EPPK1: variants seen among roughly 807,000 people sequenced by gnomAD.
EPPK1 encodes epiplakin.
For missense variants in EPPK1, 3,823 were observed against 3,673.3 expected (o/e 1.04, Z -1.05); for synonymous variants, 1,862 against 1,721.2 (o/e 1.08, Z -2.03).
chr8:143,868,941 GTGTC>G lies in EPPK1; in HGVS notation c.4309_4312del (p.Asp1437GlnfsTer13). 1 of 1,610,900 alleles carries G rather than the reference GTGTC, an allele frequency of 6.2e-7. No individual in the cohort carries two copies. Among genetic ancestry groups the G allele is most frequent in the Non-Finnish European group, 8.5e-7 (1 of 1,179,846 alleles). On this transcript the variant is annotated frameshift_variant, in exon 2 of 2. Coordinates refer to ENST00000615648, the MANE Select transcript of EPPK1 (RefSeq NM_031308.4). LOFTEE classifies it low-confidence loss of function (END_TRUNC). Reference sequence around the variant, plus strand: ...GGTGTGGTCGTCCACCTCAAGCACTGTGTCTGAGGGCAGTGGCAACAGCAACAAT... The same window carrying G: ...GGTGTGGTCGTCCACCTCAAGCACTGTGAGGGCAGTGGCAACAGCAACAAT...
intron 1 of EPPK1, among the ~76,000 whole-genome samples, chr8:143,874,445 T>C (rs1210936830): frequency 1.3e-5 from 2 of 152,212 alleles, no homozygotes; most frequent in East Asian, 1.9e-4. Context: ...ACATAACTAG[T>C]GTCCTTATAA....
At position 143,868,077 on chromosome 8, in the gene EPPK1, T is replaced by C; in HGVS notation, c.5177A>G (p.Lys1726Arg). 1 of 1,613,536 alleles carries C rather than the reference T, an allele frequency of 6.2e-7. No homozygotes were observed. Among genetic ancestry groups the C allele is most frequent in the Non-Finnish European group, 8.5e-7 (1 of 1,180,022 alleles). The change falls in exon 2 of 2, where the codon AAG becomes AGG. Residue 1726 changes from lysine to arginine, a missense_variant. Coordinates refer to ENST00000615648, the MANE Select transcript of EPPK1 (RefSeq NM_031308.4). ...RILADPSDDT[K>R]GFFDPNTHEN... is the part of the protein sequence containing the mutation. ...GTGCGTGTTGGGGTCGAAGAAGCCC[T>C]TGGTGTCGTCGCTGGGGTCCGCCAG...
At position 143,873,181 on chromosome 8, in the gene EPPK1, C is replaced by T; in HGVS notation, c.73G>A (p.Ala25Thr). The T allele has an allele frequency of 6.3e-7, 1 of 1,596,996 alleles. No homozygotes were observed. ...CCGGCTCCCAGCGTGGCTGCCATGGCTCTGGGTACACTGGCCTGCTCTGTG... is the reference window on the plus strand; with the variant it reads ...CCGGCTCCCAGCGTGGCTGCCATGGTTCTGGGTACACTGGCCTGCTCTGTG... ...NSTEQASVPR[A>T]MAATLGAGTP... Residue 25 changes from alanine (A) to threonine (T), a missense_variant, in exon 2 of 2, where the codon GCC (alanine) becomes ACC (threonine). Transcript: ENST00000615648.
Position 143,866,336 on chromosome 8 carries a change from G to T in EPPK1, c.6918C>A (p.Ala2306=). 1 of 441,046 alleles carries T rather than the reference G, an allele frequency of 2.3e-6. No individual in the cohort carries two copies. Among genetic ancestry groups the T allele is most frequent in the Non-Finnish European group, 3.5e-6 (1 of 286,596 alleles). 27.3% of individuals were successfully genotyped at this position (441,046 alleles called of 1,614,324 possible). The change falls in exon 2 of 2, where the codon GCC becomes GCA. Residue 2306 remains alanine, a synonymous_variant. Coordinates refer to ENST00000615648, the MANE Select transcript of EPPK1 (RefSeq NM_031308.4). ...IQEKLLSAER[A]VTGYTDPYTG... ...TGTAGGGGTCGGTGTAGCCGGTGAC[G>T]GCGCGCTCGGCCGACAGCAGCTTCT...
Position 143,873,041 on chromosome 8 carries a change from C to A in EPPK1, c.213G>T (p.Gly71=). 6.4e-7 allele frequency: 1 copy of A among 1,565,454 alleles called. No homozygotes were observed. The highest frequency in any genetic ancestry group is 8.7e-7 in the Non-Finnish European group (1 of 1,155,196). Residue 71 remains glycine, a synonymous_variant, in exon 2 of 2, where the codon GGG becomes GGT. Transcript: ENST00000615648. ...MEQGLLPAGL[G]QALLEAQAAT... The stretch of plus-strand genomic sequence containing the variant: ...CTGCCTGGGCCTCTAGCAGAGCCTG[C>A]CCGAGCCCAGCAGGCAGGAGGCCCT...
rs544519274 is a variant in EPPK1, at chr8:143,868,420, C to T, written c.4834G>A (p.Gly1612Ser). 221 of 1,612,544 alleles carry T rather than the reference C, an allele frequency of 1.4e-4. 1 individual carries two copies. Among genetic ancestry groups the T allele is most frequent in the South Asian group, 1.2e-3 (110 of 91,074 alleles). ...LVLLEAQAAT[G>S]FIIDPVENRK... ...TTCTCCACGGGGTCGATGATGAAGCCGGTAGCTGCCTGTGCCTCCAGCAGC... is the reference window on the plus strand; with the variant it reads ...TTCTCCACGGGGTCGATGATGAAGCTGGTAGCTGCCTGTGCCTCCAGCAGC... Residue 1612 changes from glycine to serine, a missense_variant, in exon 2 of 2, where the codon GGC becomes AGC. Physicochemically the swap from Gly to Ser is moderately conservative, Grantham distance 56 (BLOSUM62 0). Transcript: ENST00000615648.
Position 143,863,138 on chromosome 8 carries a change from GCGC to G in EPPK1, c.10113_10115del (p.Glu3371_Arg3372delinsAsp). ...AGGGGTCGGTGTAGCCGGTGACGGC[GCGC>G]TCGGCCGACAGCAGCTTCTCCTGGA... On this transcript the variant is annotated inframe_deletion, in exon 2 of 2. Coordinates refer to ENST00000615648, the MANE Select transcript of EPPK1 (RefSeq NM_031308.4). 2.3e-5 allele frequency: 2 copies of G among 88,476 alleles called. No individual in the cohort carries two copies. The highest frequency in any genetic ancestry group is 2.0e-4 in the African/African-American group (1 of 5,110). 5.5% of individuals were successfully genotyped at this position (88,476 alleles called of 1,614,324 possible). A position where few individuals can be genotyped will look rare whatever the true frequency, so the allele number is the denominator to read the frequency against.
intron 1 of EPPK1, among the ~76,000 whole-genome samples, chr8:143,876,372 C>T (rs1409261848): frequency 6.6e-6 from 1 of 152,206 alleles, no homozygotes; most frequent in Non-Finnish European, 1.5e-5. Flanking sequence ...CCCCAGGGGC[C>T]AGGTCCACCC....
intron 1 of EPPK1, among the ~76,000 whole-genome samples, chr8:143,873,671 G>A (rs372645748): frequency 6.6e-6 from 1 of 151,590 alleles, no homozygotes; most frequent in Non-Finnish European, 1.5e-5. Context: ...AGCCCTGCCC[G>A]AGGGGCCCAG....
Position 143,868,020 on chromosome 8 carries a change from C to T in EPPK1, c.5234G>A (p.Arg1745His), listed in dbSNP as rs187594766. The change falls in exon 2 of 2, where the codon CGC becomes CAC. Residue 1745 changes from arginine to histidine, a missense_variant. Coordinates refer to ENST00000615648, the MANE Select transcript of EPPK1 (RefSeq NM_031308.4). ...ENLTYLQLLERCVEDPETGLY... is the reference protein window; with the variant it reads ...ENLTYLQLLEHCVEDPETGLY... ...GCCCGTCTCGGGGTCCTCCACACAG[C>T]GCTCCAGAAGCTGCAGGTACGTGAG... The T allele has an allele frequency of 5.3e-5, 85 of 1,613,698 alleles. No individual in the cohort carries two copies. The highest frequency in any genetic ancestry group is 1.5e-4 in the South Asian group (14 of 91,086).
At position 143,865,353 on chromosome 8, in the gene EPPK1, C is replaced by A. The variant is rs1268380930; in HGVS notation, c.7901G>T (p.Arg2634Leu). The change falls in exon 2 of 2, where the codon CGC (arginine) becomes CTC (leucine). Residue 2634 changes from arginine to leucine, a missense_variant. Physicochemically the swap from Arg to Leu is moderately radical, Grantham distance 102. Coordinates refer to ENST00000615648, the MANE Select transcript of EPPK1 (RefSeq NM_031308.4). ...AAAAAAAAAA[R>L]RQEQTLRDAT... ...ATCACGCAGGGTCTGCTCCTGGCGGCGGGCGGCGGCGGCGGCGGCGGCGGC... is the reference window on the plus strand; with the variant it reads ...ATCACGCAGGGTCTGCTCCTGGCGGAGGGCGGCGGCGGCGGCGGCGGCGGC... 1 of 322,776 alleles carries A rather than the reference C, an allele frequency of 3.1e-6. No individual in the cohort carries two copies. The highest frequency in any genetic ancestry group is 4.8e-6 in the Non-Finnish European group (1 of 207,100). The allele number at this position is 322,776 out of a possible 1,614,324, so 20.0% of individuals were successfully genotyped here.
chr8:143,868,505 C>A lies in EPPK1; in HGVS notation c.4749G>T (p.Glu1583Asp). Reference protein sequence around the residue: ...IAGVLIQGTQERMSIPEALRR... With the variant: ...IAGVLIQGTQDRMSIPEALRR... ...TCAGGGCCTCTGGGATGCTCATCCT[C>A]TCCTGGGTGCCCTGGATAAGGACCC... The change falls in exon 2 of 2, where the codon GAG becomes GAT. Residue 1583 changes from glutamate to aspartate, a missense_variant. By Grantham distance (45) the Glu-to-Asp change is conservative. Transcript: ENST00000615648. 1 of 1,610,014 alleles carries A rather than the reference C, an allele frequency of 6.2e-7. No homozygotes were observed.
At chr8:143,875,944 C>T (rs183095862) in intron 1 of EPPK1, among the ~76,000 whole-genome samples, 2 of 152,020 alleles carry the variant, frequency 1.3e-5, no homozygotes, top group Admixed American at 1.3e-4. Flanking sequence ...ACAGTGGCCC[C>T]CACCCCCCAC....
At position 143,867,775 on chromosome 8, in the gene EPPK1, A is replaced by G. The variant is rs373276585; in HGVS notation, c.5479T>C (p.Leu1827=). The change falls in exon 2 of 2, where the codon TTG becomes CTG. Residue 1827 remains leucine, a synonymous_variant. Transcript: ENST00000615648. ...ATTGTCGTGGTGATGATTTCCAGCA[A>G]TTTCTCCAGGCCCCCACTCTGGGCT... ...YGAQSGGLEK[L]LEIITTTIEE... 36 of 1,613,248 alleles carry G rather than the reference A, an allele frequency of 2.2e-5. No homozygotes were observed. Among genetic ancestry groups the G allele is most frequent in the Non-Finnish European group, 2.8e-5 (33 of 1,179,820 alleles).
Position 143,870,093 on chromosome 8 carries a change from C to G in EPPK1, c.3161G>C (p.Ser1054Thr). The change falls in exon 2 of 2, where the codon AGC becomes ACC. Residue 1054 changes from serine to threonine, a missense_variant. Transcript: ENST00000615648. The surrounding 1 kb of genome is among the most constrained non-coding windows in gnomAD (Gnocchi z 5.2). ...CACTGGCATGGGGAGGTGGTGGTGG[C>G]TGGTGGGGTCAATGATCCCTCCTGT... The part of the protein sequence containing the change: ...VATGGIIDPT[S>T]HHHLPMPVAI... 6.2e-7 allele frequency: 1 copy of G among 1,610,384 alleles called. No individual in the cohort carries two copies. The highest frequency in any genetic ancestry group is 2.2e-5 in the East Asian group (1 of 44,802).
chr8:143,867,835 C>G lies in EPPK1; in HGVS notation c.5419G>C (p.Glu1807Gln), dbSNP rs1554659645. 6.2e-7 allele frequency: 1 copy of G among 1,613,420 alleles called. No individual in the cohort carries two copies. Among genetic ancestry groups the G allele is most frequent in the African/African-American group, 1.3e-5 (1 of 74,912 alleles). ...WDLLSSPYFT[E>Q]DRKRELIQEY... Reference sequence around the variant, plus strand: ...TGGATGAGCTCCCGCTTCCTGTCCTCTGTGAAGTATGGAGAGGACAGCAGG... The same window carrying G: ...TGGATGAGCTCCCGCTTCCTGTCCTGTGTGAAGTATGGAGAGGACAGCAGG... Residue 1807 changes from glutamate (E) to glutamine (Q), a missense_variant, in exon 2 of 2, where the codon GAG becomes CAG. Coordinates refer to ENST00000615648, the MANE Select transcript of EPPK1 (RefSeq NM_031308.4).
rs1166137645 is a variant in EPPK1, at chr8:143,857,924, C to T, written c.*63G>A. 2.6e-6 allele frequency: 2 copies of T among 766,598 alleles called. No homozygotes were observed. Among genetic ancestry groups the T allele is most frequent in the East Asian group, 3.1e-5 (1 of 32,380 alleles). The allele number at this position is 766,598 out of a possible 1,614,324, so 47.5% of individuals were successfully genotyped here. Reference sequence around the variant, plus strand: ...AAAAAAAAAAAAAAAAAAAAACAACCCAGACACACAAGTATGCCTCCACTT... The same window carrying T: ...AAAAAAAAAAAAAAAAAAAAACAACTCAGACACACAAGTATGCCTCCACTT... On this transcript the variant is annotated 3_prime_UTR_variant, in exon 2 of 2. Transcript: ENST00000615648.
In EPPK1 at chr8:143,870,563, G is replaced by T. The variant is rs1819308827; in HGVS notation, c.2691C>A (p.Ile897=). ...CTTGGTCCAACAGCTGCTGGTCAAT[G>T]ATACCGGCCTCCAGGAGCTGGTGGA... ...VTVHQLLEAG[I]IDQQLLDQVL... The change falls in exon 2 of 2, where the codon ATC becomes ATA. Residue 897 remains isoleucine, a synonymous_variant. Coordinates refer to ENST00000615648, the MANE Select transcript of EPPK1 (RefSeq NM_031308.4). This position sits in a 1 kb window ranked among gnomAD's most constrained non-coding sequence, Gnocchi z 5.2. 6.2e-6 allele frequency: 10 copies of T among 1,611,736 alleles called. No homozygotes were observed. Among genetic ancestry groups the T allele is most frequent in the Non-Finnish European group, 6.8e-6 (8 of 1,179,504 alleles).
In EPPK1 at chr8:143,867,822, C is replaced by T. The variant is rs200136005; in HGVS notation, c.5432G>A (p.Arg1811Gln). The change falls in exon 2 of 2, where the codon CGG becomes CAG. Residue 1811 changes from arginine to glutamine, a missense_variant. Physicochemically the swap from Arg to Gln is conservative, Grantham distance 43. Transcript: ENST00000615648. The part of the protein sequence containing the change: ...SSPYFTEDRK[R>Q]ELIQEYGAQS... ...GGCTCCATACTCCTGGATGAGCTCC[C>T]GCTTCCTGTCCTCTGTGAAGTATGG... is the stretch of plus-strand genomic sequence containing the variant. 128 of 1,613,464 alleles carry T rather than the reference C, an allele frequency of 7.9e-5. No individual in the cohort carries two copies. Among genetic ancestry groups the T allele is most frequent in the East Asian group, 1.8e-4 (8 of 44,904 alleles).
Sources: gnomAD v4.1 joint callset for allele counts (sites outside exome capture counted in the v4.1 genomes callset) on GRCh38, gnomAD v4.1.1 for gene constraint, Gnocchi (gnomAD v3.1) non-coding constraint, MANE v1.5 for transcripts, NCBI Gene and HGNC (gene_info 2026-07-23, HGNC 2026-07-21) for gene names.